Variants in SLC35F1 observed in about 807,000 individuals in gnomAD.
SLC35F1 encodes solute carrier family 35 member F1.
A neutral mutation model predicts 48.7 loss-of-function variants in SLC35F1; 14 were observed. The ratio of observed to expected loss-of-function variants is 0.29; its 90% CI spans 0.19 to 0.45. The LOEUF is 0.45. Ranked by LOEUF, SLC35F1 falls within the 20% of genes least tolerant of loss-of-function variation. The pLI is 1.00. For synonymous variants in SLC35F1, 190 were observed against 202.2 expected (o/e 0.94, Z 0.51); for missense variants, 404 against 500.0 (o/e 0.81, Z 1.83).
chr6:117,990,442 G>A (rs1285392378), intron 1 of SLC35F1, among the ~76,000 whole-genome samples: 1 of 152,126 alleles, frequency 6.6e-6, no homozygotes, highest in Non-Finnish European at 1.5e-5. Flanking sequence ...AGATTTCCAT[G>A]GAAGTTACTA....
chr6:118,221,778 T>G (rs1334419239), intron 2 of SLC35F1, among the ~76,000 whole-genome samples: 1 of 152,216 alleles, frequency 6.6e-6, no homozygotes, highest in Non-Finnish European at 1.5e-5. Context: ...CATTTCTCCC[T>G]TCCTGTATTG....
chr6:117,924,083 A>T (rs1329342316), intron 1 of SLC35F1, among the ~76,000 whole-genome samples: 1 of 148,820 alleles, frequency 6.7e-6, no homozygotes, highest in Non-Finnish European at 1.5e-5. Flanking sequence ...ATGCATATGT[A>T]TATACACACA....
intron 3 of SLC35F1, among the ~76,000 whole-genome samples, chr6:118,257,747 C>T (rs1197172836): frequency 5.9e-5 from 9 of 152,112 alleles, no homozygotes; most frequent in Admixed American, 5.9e-4. Context: ...AGAATGAAAA[C>T]ATAGTACTAT....
rs1431310601 is a variant in SLC35F1, at chr6:118,317,181, G to C, written c.*2929G>C. Reference sequence around the variant, plus strand: ...TCTCCTGAACCCTGCTAGAGATTAAGTGGTGGTTCTCACTTCCTCAATGAA... The same window carrying C: ...TCTCCTGAACCCTGCTAGAGATTAACTGGTGGTTCTCACTTCCTCAATGAA... On this transcript the variant is annotated 3_prime_UTR_variant, in exon 8 of 8. Coordinates refer to ENST00000360388, the MANE Select transcript of SLC35F1 (RefSeq NM_001029858.4). 6.6e-6 allele frequency: 1 copy of C among 152,544 alleles called. No homozygotes were observed. Among genetic ancestry groups the C allele is most frequent in the Admixed American group, 6.5e-5 (1 of 15,278 alleles). The allele number at this position is 152,544 out of a possible 1,614,324, so 9.4% of individuals were successfully genotyped here.
At chr6:118,131,831 T>C (rs1773717626) in intron 1 of SLC35F1, among the ~76,000 whole-genome samples, 1 of 151,880 alleles carries the variant, frequency 6.6e-6, no homozygotes, top group African/African-American at 2.4e-5. Flanking sequence ...AAGTATATAT[T>C]AATATAAGTA....
chr6:117,954,366 C>T (rs1776400610), intron 1 of SLC35F1, among the ~76,000 whole-genome samples: 1 of 152,140 alleles, frequency 6.6e-6, no homozygotes, highest in Non-Finnish European at 1.5e-5. Flanking sequence ...AGGGATTCTC[C>T]TGCCTCAGCC....
intron 1 of SLC35F1, among the ~76,000 whole-genome samples, chr6:117,963,510 A>G (rs1268853434): frequency 6.6e-6 from 1 of 152,176 alleles, no homozygotes. Context: ...TGTGTGCTAC[A>G]CGATAATATT....
At chr6:118,285,646 C>T (rs182617613) in intron 7 of SLC35F1, among the ~76,000 whole-genome samples, 83 of 152,254 alleles carry the variant, frequency 5.5e-4, no homozygotes, top group African/African-American at 1.9e-3. Flanking sequence ...TTTTCCAATA[C>T]GAACCTAGGA....
chr6:118,024,510 T>C (rs1582624998), intron 1 of SLC35F1, among the ~76,000 whole-genome samples: 1 of 152,150 alleles, frequency 6.6e-6, no homozygotes, highest in Non-Finnish European at 1.5e-5. Context: ...AAATATAATG[T>C]CCCTTCACTT....
At chr6:118,044,803 A>G (rs1719110977) in intron 1 of SLC35F1, among the ~76,000 whole-genome samples, 1 of 151,972 alleles carries the variant, frequency 6.6e-6, no homozygotes, top group South Asian at 2.1e-4. Flanking sequence ...ATCCAACTGA[A>G]CTCTGTTTAC....
intron 1 of SLC35F1, among the ~76,000 whole-genome samples, chr6:117,997,117 C>T (rs1777005472): frequency 6.6e-6 from 1 of 151,840 alleles, no homozygotes; most frequent in Non-Finnish European, 1.5e-5. Context: ...TCGAGAACTA[C>T]GTGAAGAATG....
chr6:118,120,277 C>T (rs140450018), intron 1 of SLC35F1, among the ~76,000 whole-genome samples: 2 of 152,136 alleles, frequency 1.3e-5, no homozygotes, highest in Non-Finnish European at 2.9e-5. Flanking sequence ...TCCTGAAAAT[C>T]CATCCACCCA....
chr6:117,959,941 T>C (rs959655600), intron 1 of SLC35F1, among the ~76,000 whole-genome samples: 1 of 152,100 alleles, frequency 6.6e-6, no homozygotes, highest in African/African-American at 2.4e-5. Flanking sequence ...TTATTTGAGG[T>C]TATAAACAGC....
At chr6:118,132,373 G>A (rs1773726361) in intron 1 of SLC35F1, among the ~76,000 whole-genome samples, 2 of 152,180 alleles carry the variant, frequency 1.3e-5, no homozygotes, top group South Asian at 4.1e-4. Context: ...TGGCTGCATG[G>A]TTTCTTGTCA....
In SLC35F1 at chr6:118,235,522, C is replaced by T. The variant is rs201078068; in HGVS notation, c.363C>T (p.Leu121=). ...TTTGTAACACAGGAGAAGAAAACCTCCTGGCAATTTTACGACGAAGATGGT... is the reference window on the plus strand; with the variant it reads ...TTTGTAACACAGGAGAAGAAAACCTTCTGGCAATTTTACGACGAAGATGGT... ...TLAVRQGEEN[L]LAILRRRWWK... Residue 121 remains leucine, a synonymous_variant, in exon 3 of 8, where the codon CTC becomes CTT. Coordinates refer to ENST00000360388, the MANE Select transcript of SLC35F1 (RefSeq NM_001029858.4). 1.2e-6 allele frequency: 2 copies of T among 1,612,910 alleles called. No individual in the cohort carries two copies. Among genetic ancestry groups the T allele is most frequent in the Non-Finnish European group, 1.7e-6 (2 of 1,179,340 alleles).
chr6:117,957,531 T>G (rs1318582919), intron 1 of SLC35F1, among the ~76,000 whole-genome samples: 3 of 152,246 alleles, frequency 2.0e-5, no homozygotes, highest in Admixed American at 2.0e-4. Flanking sequence ...TTGGACTATT[T>G]ATTGAGAAAT....
At chr6:118,262,529 G>A (rs1478757762) in intron 3 of SLC35F1, among the ~76,000 whole-genome samples, 1 of 152,162 alleles carries the variant, frequency 6.6e-6, no homozygotes, top group African/African-American at 2.4e-5. Context: ...ATGTCAGCAT[G>A]AACCTTTTTT....
intron 2 of SLC35F1, among the ~76,000 whole-genome samples, chr6:118,201,793 C>G (rs753872559): frequency 2.6e-5 from 4 of 152,170 alleles, no homozygotes; most frequent in African/African-American, 9.7e-5. Flanking sequence ...CAAGGCCACT[C>G]TCCAGTCCAA....
At chr6:118,000,174 G>A (rs1028092847) in intron 1 of SLC35F1, among the ~76,000 whole-genome samples, 1 of 152,182 alleles carries the variant, frequency 6.6e-6, no homozygotes, top group Non-Finnish European at 1.5e-5. Flanking sequence ...CAATATCCTT[G>A]ATGAACATTG....
Sources: allele counts gnomAD v4.1 joint callset (sites outside exome capture counted in the v4.1 genomes callset), GRCh38; gene constraint gnomAD v4.1.1; transcripts MANE v1.5; gene names NCBI Gene and HGNC (gene_info 2026-07-23, HGNC 2026-07-21).